The following BCKDHB variants were observed in gnomAD, a reference collection of about 807,000 sequenced individuals.
BCKDHB encodes branched chain keto acid dehydrogenase E1 subunit beta, also known as 2-oxoisovalerate dehydrogenase subunit beta, mitochondrial.
Under a neutral mutation model 48.5 loss-of-function variants are expected in BCKDHB, and 41 were observed. The observed-to-expected ratio is 0.85, with a 90% CI of 0.66 to 1.10. BCKDHB has a LOEUF of 1.10. Ranked by LOEUF, BCKDHB falls within the 50% of genes least tolerant of loss-of-function variation. The probability of loss-of-function intolerance (pLI) is 0.00; values close to 1 mark genes in which losing one functional copy is unlikely to be tolerated. For synonymous variants in BCKDHB, 201 were observed against 174.8 expected, an observed-to-expected ratio of 1.15 and a Z score of -1.18; for missense variants, 496 against 494.2, an observed-to-expected ratio of 1.00 and a Z score of -0.03.
intron 3 of BCKDHB, 147 bp downstream of exon 3, chr6:80,129,376 T>C (rs892782854): frequency 6.0e-6 from 4 of 670,470 alleles, no homozygotes; most frequent in Non-Finnish European, 1.1e-5. Flanking sequence ...GCAGAATCCT[T>C]TGGCCTATAT....
At chr6:80,327,177 T>C (rs1361562985) in intron 9 of BCKDHB, among the ~76,000 whole-genome samples, 1 of 152,212 alleles carries the variant, frequency 6.6e-6, no homozygotes, top group Non-Finnish European at 1.5e-5. Flanking sequence ...GAAAGTATCG[T>C]AGGTCAAAAA....
chr6:80,395,665 T>G, the BCKDHB span, among the ~76,000 whole-genome samples: 1 of 152,226 alleles, frequency 6.6e-6, no homozygotes, highest in Admixed American at 6.5e-5. Context: ...TGCAGAAATT[T>G]GCATAAGTAA....
At chr6:80,159,697 C>T (rs894118172) in intron 3 of BCKDHB, among the ~76,000 whole-genome samples, 6 of 152,166 alleles carry the variant, frequency 3.9e-5, no homozygotes, top group Non-Finnish European at 5.9e-5. Flanking sequence ...TATACTATGA[C>T]TGAAATTACT....
chr6:80,393,200 T>C, the BCKDHB span, among the ~76,000 whole-genome samples: 45 of 152,296 alleles, frequency 3.0e-4, no homozygotes, highest in East Asian at 8.5e-3. Flanking sequence ...TATTTTGATA[T>C]AGCTATCACT....
chr6:80,378,952 A>G, the BCKDHB span, among the ~76,000 whole-genome samples: 1 of 152,066 alleles, frequency 6.6e-6, no homozygotes, highest in African/African-American at 2.4e-5. Flanking sequence ...GTAATAAAAA[A>G]TCTCCCAACA....
the BCKDHB span, among the ~76,000 whole-genome samples, chr6:80,372,097 T>G: frequency 6.6e-6 from 1 of 152,180 alleles, no homozygotes; most frequent in African/African-American, 2.4e-5. Flanking sequence ...ACCATAATGA[T>G]TCTACCCACC....
chr6:80,164,419 C>T (rs1361299418), intron 3 of BCKDHB, among the ~76,000 whole-genome samples: 1 of 152,138 alleles, frequency 6.6e-6, no homozygotes, highest in Admixed American at 6.5e-5. Context: ...TTAACTGTCA[C>T]CTCTCAGTGG....
the BCKDHB span, among the ~76,000 whole-genome samples, chr6:80,446,887 T>C: frequency 3.9e-5 from 6 of 152,040 alleles, no homozygotes; most frequent in Admixed American, 6.6e-5. Context: ...GTTTATCTTA[T>C]GGTTGGAATG....
chr6:80,422,402 A>G, the BCKDHB span, among the ~76,000 whole-genome samples: 2 of 152,162 alleles, frequency 1.3e-5, no homozygotes, highest in Admixed American at 6.5e-5. Context: ...GGCAATGCAG[A>G]GGGAAAAGGT....
chr6:80,384,422 G>C, the BCKDHB span, among the ~76,000 whole-genome samples: 1 of 151,344 alleles, frequency 6.6e-6, no homozygotes, highest in African/African-American at 2.4e-5. Flanking sequence ...GCAATGGCGC[G>C]ATCTTGGCAC....
At chr6:80,140,740 A>G (rs1005626205) in intron 3 of BCKDHB, among the ~76,000 whole-genome samples, 17 of 152,280 alleles carry the variant, frequency 1.1e-4, no homozygotes, top group African/African-American at 3.6e-4. Context: ...ATCAATGTTC[A>G]TCAAGGATAT....
Position 80,167,809 on chromosome 6 carries a change from C to T in BCKDHB, c.475C>T (p.Gln159Ter). ...FADYIFPAFD[Q>*]IVNEAAKYRY... The stretch of plus-strand genomic sequence containing the variant: ...AGATTATATTTTCCCTGCATTTGAT[C>T]AGGTAAGTGAATGAACATTTCTAAG... Residue 159 changes from glutamine (Q) to a stop codon, truncating the protein, a stop_gained and splice_region_variant, in exon 4 of 10, where the codon CAG (glutamine) becomes TAG (stop). Coordinates refer to ENST00000320393, the MANE Select transcript of BCKDHB (RefSeq NM_183050.4). LOFTEE classifies it high-confidence loss of function. 1.2e-6 allele frequency: 2 copies of T among 1,613,450 alleles called. No homozygotes were observed. The highest frequency in any genetic ancestry group is 1.7e-6 in the Non-Finnish European group (2 of 1,179,640).
chr6:80,362,409 A>G, the BCKDHB span, among the ~76,000 whole-genome samples: 1 of 152,166 alleles, frequency 6.6e-6, no homozygotes, highest in African/African-American at 2.4e-5. Flanking sequence ...ATGATGCTTA[A>G]TGAGCTGCTC....
chr6:80,424,491 T>C, the BCKDHB span, among the ~76,000 whole-genome samples: 1 of 152,208 alleles, frequency 6.6e-6, no homozygotes. Context: ...TATTATATAA[T>C]TTCATTACAT....
chr6:80,141,890 C>T lies in BCKDHB; in HGVS notation c.343+12661C>T, dbSNP rs558384546. Among the ~76,000 whole-genome samples the T allele has an allele frequency of 3.9e-5, 6 of 152,168 alleles. No individual in the cohort carries two copies. In the South Asian group the frequency reaches 1.2e-3, roughly 32 times the overall value. On this transcript the variant is annotated intron_variant, in intron 3 of 9. Transcript: ENST00000320393. ...GAAAGATGTTGCTAAATTAGTTTCCCAAACCTGATTCTTAGTCTTCTGAAA... is the reference window on the plus strand; with the variant it reads ...GAAAGATGTTGCTAAATTAGTTTCCTAAACCTGATTCTTAGTCTTCTGAAA...
intron 8 of BCKDHB, among the ~76,000 whole-genome samples, chr6:80,222,868 C>T (rs1485230081): frequency 6.6e-6 from 1 of 152,078 alleles, no homozygotes; most frequent in Non-Finnish European, 1.5e-5. Flanking sequence ...GGCTACTAGG[C>T]CCTTAATCAT....
intron 3 of BCKDHB, among the ~76,000 whole-genome samples, chr6:80,133,798 A>G (rs1224543622): frequency 1.3e-5 from 2 of 152,048 alleles, no homozygotes; most frequent in African/African-American, 4.8e-5. Flanking sequence ...GCCCACCACC[A>G]CACCTGGCTA....
chr6:80,189,977 G>T (rs1280215544), intron 6 of BCKDHB, among the ~76,000 whole-genome samples: 1 of 150,294 alleles, frequency 6.7e-6, no homozygotes, highest in African/African-American at 2.4e-5. Context: ...AAATAAACTT[G>T]GAGTTCTTCA....
chr6:80,457,338 T>C, the BCKDHB span, among the ~76,000 whole-genome samples: 1 of 152,198 alleles, frequency 6.6e-6, no homozygotes, highest in Admixed American at 6.5e-5. Flanking sequence ...GGGAATTTAA[T>C]GCTGACACCA....
Sources: gnomAD v4.1 joint callset for allele counts (sites outside exome capture counted in the v4.1 genomes callset) on GRCh38, gnomAD v4.1.1 for gene constraint, MANE v1.5 for transcripts, NCBI Gene and HGNC (gene_info 2026-07-23, HGNC 2026-07-21) for gene names.